DYSF: variants seen among roughly 807,000 people sequenced by gnomAD.
DYSF encodes the protein dystrophy-associated fer-1-like 1.
In DYSF, 212 loss-of-function variants were observed where a neutral mutation model predicts 274.9. That is an observed-to-expected ratio of 0.77 (90% confidence interval 0.69 to 0.86). The LOEUF is 0.86. DYSF is among the 40% of genes least tolerant of loss of function. The pLI is 0.00. For missense variants in DYSF, 2,666 were observed against 2,783.2 expected, an observed-to-expected ratio of 0.96 and a Z score of 0.95; for synonymous variants, 1,091 against 1,078.7, an observed-to-expected ratio of 1.01 and a Z score of -0.22.
Position 71,493,019 on chromosome 2 carries a change from C to T in DYSF, c.240-10195C>T, listed in dbSNP as rs1370277806. 5.3e-5 allele frequency among the ~76,000 whole-genome samples: 8 copies of T among 151,966 alleles called. No homozygotes were observed. In the East Asian group the frequency reaches 1.5e-3, roughly 29 times the overall value. On this transcript the variant is annotated intron_variant, in intron 3 of 55. Transcript: ENST00000410020. ...ACCTCAGCCTTCCAAGTAGCTGGGA[C>T]CACAGGCACAAGCCACCTCGTCTGG... is the stretch of plus-strand genomic sequence containing the variant.
intron 20 of DYSF, 57 bp from the exon 21 acceptor site, chr2:71,553,750 C>CCCAA: frequency 4.0e-6 from 4 of 1,011,272 alleles, no homozygotes; most frequent in Non-Finnish European, 4.4e-6. Flanking sequence ...TCTTAGCACC[C>CCCAA]CATCCCACCC....
At chr2:71,538,004 C>T (rs1369300222) in intron 16 of DYSF, among the ~76,000 whole-genome samples, 2 of 152,170 alleles carry the variant, frequency 1.3e-5, no homozygotes, top group Admixed American at 1.3e-4. Flanking sequence ...TGGTTTTGAC[C>T]GCAGGTCTAG....
chr2:71,487,577 C>T (rs1190434262), intron 3 of DYSF, among the ~76,000 whole-genome samples: 2 of 152,168 alleles, frequency 1.3e-5, no homozygotes, highest in Non-Finnish European at 2.9e-5. Flanking sequence ...GGCATGATCT[C>T]GGCTCACTGC....
exon 1 of DYSF, chr2:71,453,949 T>G: frequency 6.2e-7 from 1 of 1,600,472 alleles, no homozygotes; most frequent in Non-Finnish European, 8.6e-7. Flanking sequence ...TCCCGACCTT[T>G]CCGAGCCCTC....
intron 51 of DYSF, among the ~76,000 whole-genome samples, chr2:71,670,869 C>G (rs778647460): frequency 6.6e-6 from 1 of 152,096 alleles, no homozygotes; most frequent in East Asian, 1.9e-4. Context: ...TTGTCCCACC[C>G]GGCATTAAAT....
At chr2:71,618,608 G>GT (rs2094004346) in intron 40 of DYSF, among the ~76,000 whole-genome samples, 9 of 36,136 alleles carry the variant, frequency 2.5e-4, no homozygotes, top group Admixed American at 8.4e-4. Context: ...AGAGGTGGTG[G>GT]GTGTGGTAGA....
rs1169425445 is a variant in DYSF at position 71,616,112 on chromosome 2, AC to A, written c.4464+2705del. Among the ~76,000 whole-genome samples the A allele has an allele frequency of 5.9e-5, 9 of 151,910 alleles. 1 individual carries two copies. Among genetic ancestry groups the A allele is most frequent in the African/African-American group, 2.2e-4 (9 of 41,342 alleles). ...ACACATTTAGAACATGTCACCGGAG[AC>A]CCTTGCCTGATGTTCAGGCCATGGG... On this transcript the variant is annotated intron_variant, in intron 40 of 55. Coordinates refer to ENST00000410020, the MANE Select transcript of DYSF (RefSeq NM_001130987.2).
At chr2:71,603,584 A>G (rs2093592666) in intron 36 of DYSF, among the ~76,000 whole-genome samples, 1 of 152,222 alleles carries the variant, frequency 6.6e-6, no homozygotes, top group Non-Finnish European at 1.5e-5. Flanking sequence ...GTGCAGAGTC[A>G]GGATGTGGGA....
intron 3 of DYSF, among the ~76,000 whole-genome samples, chr2:71,488,789 C>T (rs1163506881): frequency 3.3e-5 from 5 of 152,260 alleles, no homozygotes; most frequent in East Asian, 1.9e-4. Flanking sequence ...TATCTTTTAG[C>T]GACCTGGTGA....
chr2:71,639,114 A>G (rs998127359), intron 41 of DYSF, among the ~76,000 whole-genome samples: 2 of 152,212 alleles, frequency 1.3e-5, no homozygotes, highest in Admixed American at 6.5e-5. Flanking sequence ...GCTATTGGCC[A>G]TTTGTATATC....
Position 71,503,433 on chromosome 2 carries a change from G to A in DYSF, c.345+114G>A, listed in dbSNP as rs2085188235. The A allele has an allele frequency of 5.5e-6, 6 of 1,083,046 alleles. No homozygotes were observed. The Admixed American group carries it at 9.3e-5, about 17-fold the overall frequency. The allele number at this position is 1,083,046 out of a possible 1,614,324, so 67.1% of individuals were successfully genotyped here. A position where few individuals can be genotyped will look rare whatever the true frequency, so the allele number is the denominator to read the frequency against. On this transcript the variant is annotated intron_variant, in intron 4 of 55. Transcript: ENST00000410020. ...TGCATCTGACTTCAGCTCCCTTGAA[G>A]CAGGCCTGGCCCTCCCTGACCAGAG...
At chr2:71,504,073 A>AG (rs2152717292) in intron 4 of DYSF, among the ~76,000 whole-genome samples, 1 of 152,242 alleles carries the variant, frequency 6.6e-6, no homozygotes, top group South Asian at 2.1e-4. Context: ...CGGGTGTGTG[A>AG]GGCCGGGGCT....
chr2:71,644,974 C>T (rs1390022337), intron 42 of DYSF, among the ~76,000 whole-genome samples: 1 of 152,214 alleles, frequency 6.6e-6, no homozygotes, highest in African/African-American at 2.4e-5. Flanking sequence ...CTGGCTTCTT[C>T]AGTGCCCTGC....
chr2:71,525,822 G>T (rs1263244269), intron 12 of DYSF, among the ~76,000 whole-genome samples: 1 of 152,186 alleles, frequency 6.6e-6, no homozygotes, highest in Non-Finnish European at 1.5e-5. Context: ...GTAGCTAATG[G>T]CTGGGTGAAT....
intron 6 of DYSF, 96 bp from the exon 7 acceptor site, chr2:71,513,620 C>A: frequency 7.8e-7 from 1 of 1,278,270 alleles, no homozygotes; most frequent in Non-Finnish European, 1.1e-6. Flanking sequence ...AGGGCCCATG[C>A]CTTTTGGATC....
intron 3 of DYSF, among the ~76,000 whole-genome samples, chr2:71,487,833 T>C (rs1315308313): frequency 6.6e-6 from 1 of 152,188 alleles, no homozygotes; most frequent in Non-Finnish European, 1.5e-5. Flanking sequence ...CTGAAAGGAA[T>C]TGCTCTCAAT....
chr2:71,594,865 C>T (rs538690439), intron 32 of DYSF, among the ~76,000 whole-genome samples: 1 of 152,342 alleles, frequency 6.6e-6, no homozygotes, highest in Admixed American at 6.5e-5. Flanking sequence ...TATTAAGTAG[C>T]ACATCACCTT....
rs149357145 is a variant in DYSF at position 71,681,052 on chromosome 2, C to T, written c.6115C>T (p.Arg2039Trp). 45 of 1,614,166 alleles carry T rather than the reference C, an allele frequency of 2.8e-5. No individual in the cohort carries two copies. Among genetic ancestry groups the T allele is most frequent in the East Asian group, 1.3e-4 (6 of 44,876 alleles). Residue 2039 changes from arginine (R) to tryptophan (W), a missense_variant, in exon 54 of 56, where the codon CGG (arginine) becomes TGG (tryptophan). Coordinates refer to ENST00000410020, the MANE Select transcript of DYSF (RefSeq NM_001130987.2). Reference sequence around the variant, plus strand: ...TGTAGCAGAGAGTGAGCATGAGGAGCGGCCTGCTGGCCAGGGCCGGGATGA... The same window carrying T: ...TGTAGCAGAGAGTGAGCATGAGGAGTGGCCTGCTGGCCAGGGCCGGGATGA... Reference protein sequence around the residue: ...EIVAESEHEERPAGQGRDEPN... With the variant: ...EIVAESEHEEWPAGQGRDEPN...
rs142769942 is a variant in DYSF, at chr2:71,612,673, C to A, written c.4254C>A (p.Pro1418=). Residue 1418 remains proline (P), a synonymous_variant, in exon 39 of 56, where the codon CCC becomes CCA. Transcript: ENST00000410020. ...MLPREELYCP[P]ITVKVIDNRQ... Reference sequence around the variant, plus strand: ...CCAGGGAGGAGCTCTACTGCCCCCCCATCACCGTCAAGGTCATCGATAACC... The same window carrying A: ...CCAGGGAGGAGCTCTACTGCCCCCCAATCACCGTCAAGGTCATCGATAACC... 1.1e-5 allele frequency: 18 copies of A among 1,614,062 alleles called. 1 individual carries two copies. The highest frequency in any genetic ancestry group is 8.3e-5 in the Admixed American group (5 of 60,006).
Sources: gnomAD v4.1 joint callset for allele counts (sites outside exome capture counted in the v4.1 genomes callset) on GRCh38, gnomAD v4.1.1 for gene constraint, MANE v1.5 for transcripts, NCBI Gene and HGNC (gene_info 2026-07-23, HGNC 2026-07-21) for gene names.